PRDM10: variants seen among roughly 807,000 people sequenced by gnomAD.
PRDM10 encodes PR/SET domain 10.
In PRDM10, 65 loss-of-function variants were observed where a neutral mutation model predicts 133.1. The observed-to-expected ratio is 0.49, with a 90% CI of 0.40 to 0.60. The LOEUF (loss-of-function observed/expected upper bound fraction) is 0.60, where lower values mean the gene tolerates loss of function less well. Among genes scored for constraint, PRDM10 ranks in the 20% least tolerant of loss-of-function variants. The pLI, the probability that PRDM10 is intolerant of heterozygous loss-of-function variation, is 0.00. For synonymous variants in PRDM10, 582 were observed against 580.4 expected, an observed-to-expected ratio of 1.00 and a Z score of -0.04; for missense variants, 1,137 against 1,507.1, an observed-to-expected ratio of 0.75 and a Z score of 4.07.
chr11:129,996,316 A>G (rs988341173), intron 1 of PRDM10, among the ~76,000 whole-genome samples: 18 of 152,258 alleles, frequency 1.2e-4, no homozygotes, highest in African/African-American at 4.1e-4. Flanking sequence ...GCTCTGGTAC[A>G]GGGGATGGCG....
At chr11:129,972,555 A>G (rs1952055359) in intron 1 of PRDM10, among the ~76,000 whole-genome samples, 1 of 152,172 alleles carries the variant, frequency 6.6e-6, no homozygotes, top group African/African-American at 2.4e-5. Context: ...ATCTAGAACA[A>G]CTTCTATTTT....
chr11:129,966,241 T>A (rs1394953487), intron 1 of PRDM10, among the ~76,000 whole-genome samples: 1 of 152,084 alleles, frequency 6.6e-6, no homozygotes, highest in African/African-American at 2.4e-5. Flanking sequence ...GGAGACTCCA[T>A]CTCAAAACAA....
rs147312014 is a variant in PRDM10 at position 129,902,743 on chromosome 11, G to A, written c.3268-227C>T. On this transcript the variant is annotated intron_variant, in intron 20 of 20. Coordinates refer to ENST00000360871, the MANE Select transcript of PRDM10 (RefSeq NM_199437.2). The stretch of plus-strand genomic sequence containing the variant: ...TAGCAGTTTCACCAAATGATAGAGC[G>A]AACAACTTCAGGTACAGTAATTTGC... Among the ~76,000 whole-genome samples the A allele has an allele frequency of 5.3e-3, 805 of 152,256 alleles. 30 individuals are homozygous for A. The highest frequency in any genetic ancestry group is 0.049 in the Admixed American group (750 of 15,290).
chr11:129,944,409 C>T (rs977129641), intron 6 of PRDM10, among the ~76,000 whole-genome samples: 9 of 150,832 alleles, frequency 6.0e-5, no homozygotes, highest in Non-Finnish European at 1.0e-4. Flanking sequence ...GGTGAAACCC[C>T]GTCTCTACTA....
chr11:129,978,533 C>T (rs1019988558), intron 1 of PRDM10, among the ~76,000 whole-genome samples: 5 of 152,176 alleles, frequency 3.3e-5, no homozygotes, highest in African/African-American at 1.2e-4. Flanking sequence ...GCTTCAAAAC[C>T]AACCAACCGG....
chr11:129,987,238 A>G (rs1281599762), intron 1 of PRDM10, among the ~76,000 whole-genome samples: 4 of 152,250 alleles, frequency 2.6e-5, no homozygotes, highest in African/African-American at 4.8e-5. Context: ...GCTTCAAACA[A>G]TAAAGGCAAC....
Position 129,942,633 on chromosome 11 carries a change from C to G in PRDM10, c.763-4G>C. ...TGTCCCCTTTATCAAGAGAAACCTG[C>G]ACGAAAAAAAAGCCACACCAAAAAC... is the stretch of plus-strand genomic sequence containing the variant. On this transcript the variant is annotated splice_region_variant and splice_polypyrimidine_tract_variant and intron_variant, in intron 6 of 20. Coordinates refer to ENST00000360871, the MANE Select transcript of PRDM10 (RefSeq NM_199437.2). 6.3e-7 allele frequency: 1 copy of G among 1,596,618 alleles called. No homozygotes were observed. The highest frequency in any genetic ancestry group is 8.5e-7 in the Non-Finnish European group (1 of 1,173,600).
chr11:129,967,778 A>G (rs544356321), intron 1 of PRDM10, among the ~76,000 whole-genome samples: 32 of 152,116 alleles, frequency 2.1e-4, no homozygotes, highest in African/African-American at 7.7e-4. Flanking sequence ...GGAAGGATAA[A>G]CCCCTACTTT....
intron 1 of PRDM10, among the ~76,000 whole-genome samples, chr11:129,990,141 C>G (rs143633172): frequency 0.014 from 2,107 of 151,972 alleles, 32 homozygotes; most frequent in African/African-American, 0.032. Context: ...GTCAGGAGAT[C>G]AAGACCATCC....
chr11:129,944,382 C>T (rs550388794), intron 6 of PRDM10, among the ~76,000 whole-genome samples: 89 of 151,754 alleles, frequency 5.9e-4, no homozygotes, highest in Non-Finnish European at 1.5e-4. Flanking sequence ...ATCACGAGGT[C>T]AGGAGATCGA....
At chr11:129,970,349 G>A (rs1951992423) in intron 1 of PRDM10, among the ~76,000 whole-genome samples, 1 of 152,130 alleles carries the variant, frequency 6.6e-6, no homozygotes, top group African/African-American at 2.4e-5. Context: ...AGAAAGAGGC[G>A]AAGCGACTTT....
chr11:129,936,394 C>T (rs1241099095), intron 8 of PRDM10, among the ~76,000 whole-genome samples: 1 of 152,102 alleles, frequency 6.6e-6, no homozygotes, highest in Non-Finnish European at 1.5e-5. Context: ...TGGCTCACGC[C>T]TATAATCCCA....
chr11:129,977,255 TACACACACAC>T (rs71057991), intron 1 of PRDM10, among the ~76,000 whole-genome samples: 5,705 of 132,448 alleles, frequency 0.043, 383 homozygotes, highest in African/African-American at 0.14. Flanking sequence ...ATGACTAAAA[TACACACACAC>T]ACACACACAC....
Position 129,957,765 on chromosome 11 carries a change from T to C in PRDM10, c.215A>G (p.His72Arg). 1 of 1,611,608 alleles carries C rather than the reference T, an allele frequency of 6.2e-7. No individual in the cohort carries two copies. The highest frequency in any genetic ancestry group is 8.5e-7 in the Non-Finnish European group (1 of 1,178,488). Residue 72 changes from histidine to arginine, a missense_variant, in exon 3 of 21, where the codon CAC (histidine) becomes CGC (arginine). By Grantham distance (29) the His-to-Arg change is conservative. Coordinates refer to ENST00000360871, the MANE Select transcript of PRDM10 (RefSeq NM_199437.2). ...DGPEHTLVYIHPVEAAQTLFT... is the reference protein window; with the variant it reads ...DGPEHTLVYIRPVEAAQTLFT... ...ACATGCCTGTGCAGCTTCCACCGGG[T>C]GGATGTACACCAGCGTGTGCTCTGG...
chr11:129,905,749 A>G lies in PRDM10; in HGVS notation c.3164-8T>C. The G allele has an allele frequency of 6.2e-7, 1 of 1,610,322 alleles. No individual in the cohort carries two copies. The highest frequency in any genetic ancestry group is 1.1e-5 in the South Asian group (1 of 91,002). On this transcript the variant is annotated splice_region_variant and splice_polypyrimidine_tract_variant and intron_variant, in intron 19 of 20. Coordinates refer to ENST00000360871, the MANE Select transcript of PRDM10 (RefSeq NM_199437.2). The stretch of plus-strand genomic sequence containing the variant: ...TCATTTGAATCTCAGATGCTAAAAA[A>G]CAGGAAATATTCATAGTTCAGTGGT...
chr11:129,910,711 G>T, intron 18 of PRDM10, 55 bp from the exon 19 acceptor site: 1 of 1,370,560 alleles, frequency 7.3e-7, no homozygotes, highest in Non-Finnish European at 9.8e-7. Context: ...ATATAGTGAA[G>T]ACTCACAAAT....
intron 1 of PRDM10, among the ~76,000 whole-genome samples, chr11:129,970,559 T>C (rs1239481279): frequency 6.6e-6 from 1 of 151,984 alleles, no homozygotes; most frequent in Non-Finnish European, 1.5e-5. Context: ...TTTTTTTTTT[T>C]TCTCGAGATG....
At chr11:129,990,663 G>A (rs1241366438) in intron 1 of PRDM10, among the ~76,000 whole-genome samples, 1 of 152,010 alleles carries the variant, frequency 6.6e-6, no homozygotes, top group Non-Finnish European at 1.5e-5. Context: ...AGAGACGGAG[G>A]TCTAGCTATG....
At chr11:129,996,781 T>G (rs1400970076) in intron 1 of PRDM10, among the ~76,000 whole-genome samples, 1 of 148,858 alleles carries the variant, frequency 6.7e-6, no homozygotes, top group African/African-American at 2.6e-5. Context: ...CCAAAAGAGA[T>G]AAACAAGTTT....
Sources: allele counts gnomAD v4.1 joint callset (sites outside exome capture counted in the v4.1 genomes callset), GRCh38; gene constraint gnomAD v4.1.1; transcripts MANE v1.5; gene names NCBI Gene and HGNC (gene_info 2026-07-23, HGNC 2026-07-21).